KDM5A: variants seen among roughly 807,000 people sequenced by gnomAD.
KDM5A encodes the protein lysine demethylase 5A, also known as lysine-specific demethylase 5A.
In KDM5A, 42 loss-of-function variants were observed where a neutral mutation model predicts 193.5. The ratio of observed to expected loss-of-function variants is 0.22; its 90% CI spans 0.17 to 0.28. KDM5A has a LOEUF of 0.28. Ranked by LOEUF, KDM5A falls within the 10% of genes least tolerant of loss-of-function variation. KDM5A has a pLI of 1.00. For synonymous variants in KDM5A, 796 were observed against 718.1 expected, an observed-to-expected ratio of 1.11 and a Z score of -1.73; for missense variants, 1,692 against 2,055.1, an observed-to-expected ratio of 0.82 and a Z score of 3.42.
intron 24 of KDM5A, among the ~76,000 whole-genome samples, chr12:297,901 T>C (rs1330418744): frequency 1.3e-5 from 2 of 152,150 alleles, no homozygotes; most frequent in South Asian, 2.1e-4. Context: ...TCCAGGAATA[T>C]AATGACTACA....
chr12:341,801 G>A lies in KDM5A; in HGVS notation c.1309-7379C>T, dbSNP rs370667574. The stretch of plus-strand genomic sequence containing the variant: ...TGTAATCCCAGCTACTCAGGAGACT[G>A]GGGTAGGAGAACTGCTTGAACCTGG... On this transcript the variant is annotated intron_variant, in intron 10 of 27. Coordinates refer to ENST00000399788, the MANE Select transcript of KDM5A (RefSeq NM_001042603.3). Among the ~76,000 whole-genome samples the A allele has an allele frequency of 7.9e-5, 12 of 152,092 alleles. No homozygotes were observed. In the East Asian group the frequency reaches 2.3e-3, roughly 29 times the overall value.
At chr12:320,308 T>C (rs2029949495) in intron 18 of KDM5A, among the ~76,000 whole-genome samples, 1 of 152,106 alleles carries the variant, frequency 6.6e-6, no homozygotes, top group Admixed American at 6.6e-5. Flanking sequence ...ACCAGCCTGC[T>C]AACATGGCGA....
Position 323,765 on chromosome 12 carries a change from T to C in KDM5A, c.1985A>G (p.Glu662Gly). ...SVVQMGVLMSEEEVFELVPDD... is the reference protein window; with the variant it reads ...SVVQMGVLMSGEEVFELVPDD... ...AGGAACAAGTTCAAACACTTCTTCT[T>C]CTGACATCAGGACACCCTGAAATAT... Residue 662 changes from glutamate (E) to glycine (G), a missense_variant, in exon 15 of 28, where the codon GAA (glutamate) becomes GGA (glycine). Physicochemically the swap from Glu to Gly is moderately conservative, Grantham distance 98 (BLOSUM62 -2). Coordinates refer to ENST00000399788, the MANE Select transcript of KDM5A (RefSeq NM_001042603.3). 6.2e-7 allele frequency: 1 copy of C among 1,613,866 alleles called. No homozygotes were observed. The highest frequency in any genetic ancestry group is 1.1e-5 in the South Asian group (1 of 91,078).
At chr12:388,078 A>G (rs147893894) in intron 1 of KDM5A, among the ~76,000 whole-genome samples, 1 of 152,226 alleles carries the variant, frequency 6.6e-6, no homozygotes, top group Non-Finnish European at 1.5e-5. Flanking sequence ...CATTTAAACA[A>G]GCATCCAGTT....
At chr12:302,972 T>C (rs1197715516) in intron 24 of KDM5A, among the ~76,000 whole-genome samples, 2 of 152,154 alleles carry the variant, frequency 1.3e-5, no homozygotes, top group African/African-American at 4.8e-5. Context: ...TGAGATACCA[T>C]CTCACACCAG....
At chr12:350,914 C>G in intron 9 of KDM5A, 135 bp from the exon 10 acceptor site, 2 of 779,132 alleles carry the variant, frequency 2.6e-6, no homozygotes, top group Admixed American at 2.4e-5. Context: ...GCAGTAAAGA[C>G]CGAGATCCTA....
chr12:380,330 A>T (rs1434416581), intron 3 of KDM5A, among the ~76,000 whole-genome samples: 3 of 152,194 alleles, frequency 2.0e-5, no homozygotes, highest in Non-Finnish European at 4.4e-5. Context: ...TTAAATGGAA[A>T]ATCACTGACA....
At chr12:381,816 G>GT (rs34380840) in intron 3 of KDM5A, among the ~76,000 whole-genome samples, 106,798 of 151,732 alleles carry the variant, frequency 0.7, 37,803 homozygotes, top group Middle Eastern at 0.78. Flanking sequence ...TGGTTACTCT[G>GT]TTTTTTTGGA....
At chr12:286,034 T>C (rs1943216491) in intron 27 of KDM5A, 1 of 407,724 alleles carries the variant, frequency 2.5e-6, no homozygotes, top group Non-Finnish European at 4.7e-6. Context: ...CAATTATCAA[T>C]CAAGAAAGGA....
In KDM5A at chr12:354,247, A is replaced by G; in HGVS notation, c.871-13T>C. 6.4e-7 allele frequency: 1 copy of G among 1,569,240 alleles called. No individual in the cohort carries two copies. The highest frequency in any genetic ancestry group is 8.7e-7 in the Non-Finnish European group (1 of 1,143,902). On this transcript the variant is annotated splice_polypyrimidine_tract_variant and intron_variant, in intron 7 of 27. Transcript: ENST00000399788. ...CATAGAGATCAACCTGTTAAAAAAA[A>G]AATAAATGAAAGTCTATTTTCTATA...
chr12:292,799 A>G lies in KDM5A; in HGVS notation c.4826T>C (p.Val1609Ala), dbSNP rs1404237607. 3 of 1,614,230 alleles carry G rather than the reference A, an allele frequency of 1.9e-6. No individual in the cohort carries two copies. Among genetic ancestry groups the G allele is most frequent in the Non-Finnish European group, 2.5e-6 (3 of 1,180,028 alleles). Residue 1609 changes from valine (V) to alanine (A), a missense_variant, in exon 27 of 28, where the codon GTG becomes GCG. Physicochemically the swap from Val to Ala is moderately conservative, Grantham distance 64 (BLOSUM62 0). Transcript: ENST00000399788. ...GAEESDDENA[V>A]CAAQNCQRPC... is the part of the protein sequence containing the mutation. ...CCTTTGGCAGTTCTGTGCTGCGCAC[A>G]CAGCATTCTCATCATCAGACTCCTC...
chr12:293,120 G>A lies in KDM5A; in HGVS notation c.4505C>T (p.Ser1502Leu), dbSNP rs1285922080. The change falls in exon 27 of 28, where the codon TCA (serine) becomes TTA (leucine). Residue 1502 changes from serine (S) to leucine (L), a missense_variant. By Grantham distance (145) the Ser-to-Leu change is moderately radical. Around this residue, in one of 11 missense-constraint regions of KDM5A, gnomAD observed 965 missense variants for 1,061.0 expected, o/e 0.91. Transcript: ENST00000399788. ...KPLKVKGKDS[S>L]EKKRKRKLEK... ...TAGCTTCCGTTTCCGTTTCTTCTCT[G>A]AAGAGTCCTTTCCTTTCACTTTTAG... 8 of 1,605,534 alleles carry A rather than the reference G, an allele frequency of 5.0e-6. No homozygotes were observed. The highest frequency in any genetic ancestry group is 6.8e-6 in the Non-Finnish European group (8 of 1,177,952).
intron 3 of KDM5A, among the ~76,000 whole-genome samples, chr12:373,933 T>C (rs1565550954): frequency 6.6e-6 from 1 of 152,254 alleles, no homozygotes; most frequent in Non-Finnish European, 1.5e-5. Context: ...GATTGCACTG[T>C]GGTCTGAGAG....
intron 3 of KDM5A, among the ~76,000 whole-genome samples, chr12:370,210 T>C (rs1944408969): frequency 6.6e-6 from 1 of 152,118 alleles, no homozygotes; most frequent in African/African-American, 2.4e-5. Flanking sequence ...CTGGCCAACA[T>C]GGTGAAACCC....
chr12:333,238 A>G lies in KDM5A; in HGVS notation c.1653+249T>C, dbSNP rs1404172663. 2.6e-5 allele frequency: 13 copies of G among 504,004 alleles called. No individual in the cohort carries two copies. The Admixed American group carries it at 2.9e-4, about 11-fold the overall frequency. The allele number at this position is 504,004 out of a possible 1,614,324, so 31.2% of individuals were successfully genotyped here. A position where few individuals can be genotyped will look rare whatever the true frequency, so the allele number is the denominator to read the frequency against. Reference sequence around the variant, plus strand: ...GTTCGAGACCAACCTGGGCAACACAATAAGGCTTCGTCTCTACAAAAAATA... The same window carrying G: ...GTTCGAGACCAACCTGGGCAACACAGTAAGGCTTCGTCTCTACAAAAAATA... On this transcript the variant is annotated intron_variant, in intron 12 of 27. Transcript: ENST00000399788.
chr12:365,041 A>G (rs1944339294), intron 4 of KDM5A, among the ~76,000 whole-genome samples: 1 of 152,084 alleles, frequency 6.6e-6, no homozygotes, highest in South Asian at 2.1e-4. Context: ...GTACTGACAC[A>G]TGCTATAGCA....
intron 10 of KDM5A, among the ~76,000 whole-genome samples, chr12:346,531 C>T (rs1042759808): frequency 3.9e-5 from 6 of 152,096 alleles, no homozygotes; most frequent in African/African-American, 4.8e-5. Flanking sequence ...ATTGGCAAAC[C>T]GAATCCAGCA....
chr12:371,317 G>C (rs1411624885), intron 3 of KDM5A, among the ~76,000 whole-genome samples: 1 of 152,214 alleles, frequency 6.6e-6, no homozygotes, highest in Non-Finnish European at 1.5e-5. Flanking sequence ...TCTAACTGGA[G>C]TGAGATGGTA....
intron 27 of KDM5A, among the ~76,000 whole-genome samples, chr12:289,907 C>CTTTTT (rs750918968): frequency 1.5e-4 from 15 of 99,616 alleles, no homozygotes; most frequent in South Asian, 3.6e-4. Context: ...TTCTTTCTTT[C>CTTTTT]TTTTTTTTTT....
Sources: allele counts gnomAD v4.1 joint callset (sites outside exome capture counted in the v4.1 genomes callset), GRCh38; gene constraint gnomAD v4.1.1; regional missense constraint gnomAD v4.1.1; transcripts MANE v1.5; gene names NCBI Gene and HGNC (gene_info 2026-07-23, HGNC 2026-07-21).